The following KDM4C variants were observed in gnomAD, a reference collection of about 807,000 sequenced individuals.
KDM4C encodes lysine-specific demethylase 4C.
Under a neutral mutation model 129.3 loss-of-function variants are expected in KDM4C, and 81 were observed. The observed-to-expected ratio is 0.63, with a 90% CI of 0.52 to 0.75. KDM4C has a LOEUF of 0.75. Among genes scored for constraint, KDM4C ranks in the 30% least tolerant of loss-of-function variants. KDM4C has a pLI of 0.00. For synonymous variants in KDM4C, 573 were observed against 456.1 expected (o/e 1.26, Z -3.26); for missense variants, 1,457 against 1,304.0 (o/e 1.12, Z -1.81).
At chr9:6,825,546 A>G (rs1430582988) in intron 4 of KDM4C, among the ~76,000 whole-genome samples, 1 of 152,198 alleles carries the variant, frequency 6.6e-6, no homozygotes, top group East Asian at 1.9e-4. Context: ...TGATTCTCAA[A>G]CTGGAAGCCA....
At chr9:6,878,428 C>T (rs1457993919) in intron 5 of KDM4C, among the ~76,000 whole-genome samples, 1 of 151,992 alleles carries the variant, frequency 6.6e-6, no homozygotes, top group Non-Finnish European at 1.5e-5. Flanking sequence ...ATAGCTGCAC[C>T]TGGGAAATAC....
At chr9:6,920,893 C>T (rs564632788) in intron 8 of KDM4C, among the ~76,000 whole-genome samples, 1 of 152,262 alleles carries the variant, frequency 6.6e-6, no homozygotes, top group South Asian at 2.1e-4. Context: ...TGCAGTATGT[C>T]AAAATGGCAT....
intron 12 of KDM4C, among the ~76,000 whole-genome samples, chr9:6,996,241 C>T (rs376618409): frequency 6.6e-6 from 1 of 152,218 alleles, no homozygotes; most frequent in African/African-American, 2.4e-5. Flanking sequence ...GCACTTTAAT[C>T]GTGCTGACGC....
intron 6 of KDM4C, among the ~76,000 whole-genome samples, chr9:6,880,376 C>T (rs1279240391): frequency 1.3e-5 from 2 of 152,146 alleles, no homozygotes; most frequent in Non-Finnish European, 2.9e-5. Context: ...ATGCATTCAA[C>T]GTCATTGTGC....
chr9:6,878,027 A>T (rs1239218354), intron 5 of KDM4C, among the ~76,000 whole-genome samples: 1 of 152,226 alleles, frequency 6.6e-6, no homozygotes, highest in Non-Finnish European at 1.5e-5. Context: ...TTTCACAGGG[A>T]TAAGCATGGA....
chr9:7,149,020 T>C (rs1325899127), intron 19 of KDM4C, among the ~76,000 whole-genome samples: 2 of 152,176 alleles, frequency 1.3e-5, no homozygotes, highest in African/African-American at 4.8e-5. Flanking sequence ...ATCCCTCCCA[T>C]CCCTCCTAAT....
chr9:6,803,485 G>A (rs755153946), intron 2 of KDM4C, among the ~76,000 whole-genome samples: 25 of 151,510 alleles, frequency 1.7e-4, no homozygotes, highest in Admixed American at 1.1e-3. Flanking sequence ...CAGGAGAATC[G>A]CTTGACCCCG....
At chr9:7,021,959 TACTGTAG>T (rs1260426940) in intron 15 of KDM4C, among the ~76,000 whole-genome samples, 1 of 152,186 alleles carries the variant, frequency 6.6e-6, no homozygotes, top group East Asian at 1.9e-4. Flanking sequence ...AAAATGAGTT[TACTGTAG>T]ATGTATGGAT....
intron 1 of KDM4C, among the ~76,000 whole-genome samples, chr9:6,765,791 T>C (rs1442197032): frequency 6.6e-6 from 1 of 152,194 alleles, no homozygotes; most frequent in African/African-American, 2.4e-5. Context: ...TATTTTCTTT[T>C]TCTTTTTTTT....
rs527776913 is a variant in KDM4C, at chr9:7,040,369, C to CTGTG, written c.2260-6460_2260-6457dup. ...TCTTTCCCTCTCTCTCTACCCCACT[C>CTGTG]TGTGTGTGTGTGTGTGTGTGTGTGT... On this transcript the variant is annotated intron_variant, in intron 15 of 21. Coordinates refer to ENST00000381309, the MANE Select transcript of KDM4C (RefSeq NM_015061.6). Among the ~76,000 whole-genome samples, 779 of 100,376 alleles carry CTGTG rather than the reference C, an allele frequency of 7.8e-3. 7 individuals are homozygous for CTGTG. The highest frequency in any genetic ancestry group is 0.023 in the African/African-American group (696 of 30,774). 65.9% of individuals were successfully genotyped at this position (100,376 alleles called of 152,430 possible). A position where few individuals can be genotyped will look rare whatever the true frequency, so the allele number is the denominator to read the frequency against.
rs552752242 is a variant in KDM4C, at chr9:7,082,401, C to T, written c.2425-21284C>T. Among the ~76,000 whole-genome samples, 3 of 152,324 alleles carry T rather than the reference C, an allele frequency of 2.0e-5. No homozygotes were observed. In the South Asian group the frequency reaches 6.2e-4, roughly 32 times the overall value. The stretch of plus-strand genomic sequence containing the variant: ...GCATAATACTGTGACCAAGGTAAGG[C>T]ACTAGGGGTGAAGGCACCCCGTTAA... On this transcript the variant is annotated intron_variant, in intron 17 of 21. Coordinates refer to ENST00000381309, the MANE Select transcript of KDM4C (RefSeq NM_015061.6).
intron 12 of KDM4C, among the ~76,000 whole-genome samples, chr9:6,998,389 A>G (rs1314668396): frequency 6.6e-6 from 1 of 152,234 alleles, no homozygotes; most frequent in Non-Finnish European, 1.5e-5. Context: ...TTGAAGAATA[A>G]AATGTATACA....
At chr9:7,101,765 C>T (rs1202824855) in intron 17 of KDM4C, among the ~76,000 whole-genome samples, 2 of 152,142 alleles carry the variant, frequency 1.3e-5, no homozygotes, top group African/African-American at 2.4e-5. Flanking sequence ...ACAACACTGT[C>T]CTACTCTTAA....
At chr9:6,835,366 T>G (rs1476714232) in intron 4 of KDM4C, 9 of 1,075,262 alleles carry the variant, frequency 8.4e-6, no homozygotes, top group Middle Eastern at 2.0e-4. Flanking sequence ...CACCACCATG[T>G]ACCCTAGCGT....
intron 8 of KDM4C, among the ~76,000 whole-genome samples, chr9:6,933,173 T>G (rs192831827): frequency 3.4e-4 from 52 of 152,344 alleles, no homozygotes; most frequent in Admixed American, 5.9e-4. Flanking sequence ...GCTTTTCTAT[T>G]GGACATTCTG....
At chr9:6,978,032 G>C (rs1589424560) in intron 8 of KDM4C, among the ~76,000 whole-genome samples, 2 of 152,088 alleles carry the variant, frequency 1.3e-5, no homozygotes, top group East Asian at 3.9e-4. Context: ...AGCCATATTC[G>C]GCCTTTTAAA....
Position 7,097,034 on chromosome 9 carries a change from C to G in KDM4C, c.2425-6651C>G, listed in dbSNP as rs982907179. The stretch of plus-strand genomic sequence containing the variant: ...CCATTTTGCTCATGTTTTTTCACCT[C>G]TGAGCTTTATTACTTCCATCTAGAA... On this transcript the variant is annotated intron_variant, in intron 17 of 21. Coordinates refer to ENST00000381309, the MANE Select transcript of KDM4C (RefSeq NM_015061.6). 3.3e-5 allele frequency among the ~76,000 whole-genome samples: 5 copies of G among 152,318 alleles called. No homozygotes were observed. In the East Asian group the frequency reaches 9.7e-4, roughly 29 times the overall value.
Position 6,792,970 on chromosome 9 carries a change from A to G in KDM4C, c.-17-2A>G, listed in dbSNP as rs1826983027. 1 of 1,614,056 alleles carries G rather than the reference A, an allele frequency of 6.2e-7. No individual in the cohort carries two copies. Among genetic ancestry groups the G allele is most frequent in the Non-Finnish European group, 8.5e-7 (1 of 1,179,968 alleles). ...CTGTTGACCCTACTGTCTTCTCTCC[A>G]GACACTGCCCTAACCATCATGGAGG... On this transcript the variant is annotated splice_acceptor_variant, in intron 1 of 21. Coordinates refer to ENST00000381309, the MANE Select transcript of KDM4C (RefSeq NM_015061.6). LOFTEE classifies it low-confidence loss of function (5UTR_SPLICE).
chr9:7,146,738 G>A (rs1201352061), intron 19 of KDM4C, among the ~76,000 whole-genome samples: 1 of 152,194 alleles, frequency 6.6e-6, no homozygotes, highest in Admixed American at 6.5e-5. Flanking sequence ...TATTAGCCCT[G>A]TGGCCTCAGG....
Sources: allele counts gnomAD v4.1 joint callset (sites outside exome capture counted in the v4.1 genomes callset), GRCh38; gene constraint gnomAD v4.1.1; transcripts MANE v1.5; gene names NCBI Gene and HGNC (gene_info 2026-07-23, HGNC 2026-07-21).